Variants in RANBP2 observed in about 807,000 individuals in gnomAD.
The protein encoded by RANBP2 is E3 SUMO-protein ligase RanBP2.
Under a neutral mutation model 303.6 loss-of-function variants are expected in RANBP2, and 57 were observed. The ratio of observed to expected loss-of-function variants is 0.19; its 90% CI spans 0.15 to 0.23. RANBP2 has a LOEUF of 0.23. Among genes scored for constraint, RANBP2 ranks in the 10% least tolerant of loss-of-function variants. RANBP2 has a pLI of 1.00. For synonymous variants in RANBP2, 1,167 were observed against 1,301.5 expected (o/e 0.90, Z 2.23); for missense variants, 3,138 against 3,780.8 (o/e 0.83, Z 4.46).
chr2:108,783,776 T>C lies in RANBP2; in HGVS notation c.9550T>C (p.Phe3184Leu). The change falls in exon 29 of 29, where the codon TTT becomes CTT. Residue 3184 changes from phenylalanine (F) to leucine (L), a missense_variant. Around this residue, in one of 20 missense-constraint regions of RANBP2, gnomAD observed 204 missense variants for 228.4 expected, o/e 0.89. Transcript: ENST00000283195. ...ACTGAAGAAAGCAGAACATTTGGAC[T>C]TTAAGCATGTAGTATTTGGGTTTGT... ...ITLKKAEHLD[F>L]KHVVFGFVKD... 1 of 1,612,488 alleles carries C rather than the reference T, an allele frequency of 6.2e-7. No individual in the cohort carries two copies. The highest frequency in any genetic ancestry group is 8.5e-7 in the Non-Finnish European group (1 of 1,178,552).
Position 108,777,148 on chromosome 2 carries a change from C to A in RANBP2, c.8516C>A (p.Ser2839Ter). 1 of 1,613,288 alleles carries A rather than the reference C, an allele frequency of 6.2e-7. No homozygotes were observed. Among genetic ancestry groups the A allele is most frequent in the Non-Finnish European group, 8.5e-7 (1 of 1,179,498 alleles). ...TTGCCAGGGGAAAGCAAGATAGTTTCATTTGGATTTGGAAGTAGCACAGGG... is the reference window on the plus strand; with the variant it reads ...TTGCCAGGGGAAAGCAAGATAGTTTAATTTGGATTTGGAAGTAGCACAGGG... ...STSQGESKIV[S>*]FGFGSSTGLS... is the part of the protein sequence containing the mutation. Residue 2839 changes from serine to a stop codon, truncating the protein, a stop_gained, in exon 25 of 29, where the codon TCA (serine) becomes TAA (stop). Transcript: ENST00000283195. LOFTEE classifies it high-confidence loss of function.
chr2:109,541,307 GACGTTA>G, the RANBP2 span, among the ~76,000 whole-genome samples: 1 of 152,304 alleles, frequency 6.6e-6, no homozygotes, highest in East Asian at 1.9e-4. Flanking sequence ...AAGTCTGTAA[GACGTTA>G]TAATTGCTTT....
the RANBP2 span, among the ~76,000 whole-genome samples, chr2:108,827,368 A>G: frequency 6.6e-6 from 1 of 152,206 alleles, no homozygotes; most frequent in Non-Finnish European, 1.5e-5. Context: ...AAAATAAATA[A>G]AAGAGAAAAT....
the RANBP2 span, among the ~76,000 whole-genome samples, chr2:109,229,566 G>C: frequency 6.6e-6 from 1 of 152,156 alleles, no homozygotes; most frequent in Non-Finnish European, 1.5e-5. Flanking sequence ...GCTCTGAATT[G>C]GTGGGTTTGC....
the RANBP2 span, among the ~76,000 whole-genome samples, chr2:109,064,731 T>A: frequency 2.6e-5 from 4 of 152,180 alleles, no homozygotes; most frequent in African/African-American, 7.2e-5. Flanking sequence ...GTGTTAGACA[T>A]CCCTGTGGGT....
the RANBP2 span, among the ~76,000 whole-genome samples, chr2:108,889,333 T>C: frequency 6.6e-6 from 1 of 152,286 alleles, no homozygotes; most frequent in Non-Finnish European, 1.5e-5. Context: ...TTAGTTTAAA[T>C]CCAATGCTTT....
chr2:108,951,378 C>T, the RANBP2 span, among the ~76,000 whole-genome samples: 1 of 152,170 alleles, frequency 6.6e-6, no homozygotes, highest in East Asian at 1.9e-4. Context: ...AGCTGGGCAG[C>T]ATTGTGTCCA....
At chr2:109,599,124 C>T in the RANBP2 span, among the ~76,000 whole-genome samples, 1 of 151,992 alleles carries the variant, frequency 6.6e-6, no homozygotes, top group African/African-American at 2.4e-5. Context: ...GCAGACCACA[C>T]TGCTAGAAGT....
At chr2:109,538,522 G>T in the RANBP2 span, among the ~76,000 whole-genome samples, 1 of 152,138 alleles carries the variant, frequency 6.6e-6, no homozygotes, top group Admixed American at 6.6e-5. Flanking sequence ...ACTTTATGCC[G>T]TGTCTTTTAT....
At chr2:108,864,711 T>A in the RANBP2 span, among the ~76,000 whole-genome samples, 1 of 151,734 alleles carries the variant, frequency 6.6e-6, no homozygotes, top group Non-Finnish European at 1.5e-5. Context: ...GGAGAATCAC[T>A]TGCACCCAGG....
At chr2:108,837,978 C>T in the RANBP2 span, among the ~76,000 whole-genome samples, 2 of 150,894 alleles carry the variant, frequency 1.3e-5, no homozygotes, top group East Asian at 3.9e-4. Context: ...AGACAGGAGT[C>T]AAGGGGAAAG....
the RANBP2 span, among the ~76,000 whole-genome samples, chr2:109,647,717 G>A: frequency 1.4e-5 from 2 of 147,840 alleles, no homozygotes; most frequent in Admixed American, 6.7e-5. Flanking sequence ...CGATCCACCC[G>A]CCTCAGCCTC....
At chr2:109,740,219 C>T in the RANBP2 span, among the ~76,000 whole-genome samples, 3 of 151,850 alleles carry the variant, frequency 2.0e-5, no homozygotes, top group Non-Finnish European at 4.4e-5. Context: ...AATCTCTTGA[C>T]CTCATGATCC....
the RANBP2 span, among the ~76,000 whole-genome samples, chr2:108,874,222 T>C: frequency 6.6e-6 from 1 of 152,122 alleles, no homozygotes; most frequent in African/African-American, 2.4e-5. Context: ...ATTTAGGGAA[T>C]GAGAATGAAG....
At chr2:108,873,568 T>C in the RANBP2 span, 2 of 1,607,124 alleles carry the variant, frequency 1.2e-6, no homozygotes, top group Non-Finnish European at 1.7e-6. Context: ...AGTATTATTT[T>C]ACAGAAACTT....
At chr2:109,704,758 G>A in the RANBP2 span, among the ~76,000 whole-genome samples, 1 of 151,898 alleles carries the variant, frequency 6.6e-6, no homozygotes, top group East Asian at 2.0e-4. Flanking sequence ...GGCTGAGGCA[G>A]AAGAATCACT....
the RANBP2 span, among the ~76,000 whole-genome samples, chr2:109,517,804 C>T: frequency 6.6e-6 from 1 of 152,250 alleles, no homozygotes; most frequent in Non-Finnish European, 1.5e-5. Context: ...CACCCACAAA[C>T]ACGAGGCCTG....
chr2:109,528,824 T>G, the RANBP2 span, among the ~76,000 whole-genome samples: 2 of 152,036 alleles, frequency 1.3e-5, no homozygotes, highest in African/African-American at 4.8e-5. Context: ...CCTGGATTAT[T>G]GGGGGTGGGT....
the RANBP2 span, among the ~76,000 whole-genome samples, chr2:109,527,698 A>G: frequency 0.041 from 6,221 of 152,264 alleles, 393 homozygotes; most frequent in African/African-American, 0.14. Flanking sequence ...TTCTGTATGA[A>G]TTTTGCAACT....
Sources: allele counts gnomAD v4.1 joint callset (sites outside exome capture counted in the v4.1 genomes callset), GRCh38; gene constraint gnomAD v4.1.1; regional missense constraint gnomAD v4.1.1; transcripts MANE v1.5; gene names NCBI Gene and HGNC (gene_info 2026-07-23, HGNC 2026-07-21).